ZNF362: variants seen among roughly 807,000 people sequenced by gnomAD.
ZNF362 encodes rotund homolog.
ZNF362 carries 11 observed loss-of-function variants against 42.9 expected under a neutral mutation model. The ratio of observed to expected loss-of-function variants is 0.26; its 90% CI spans 0.16 to 0.42. The LOEUF is 0.42. Ranked by LOEUF, ZNF362 falls within the 20% of genes least tolerant of loss-of-function variation. ZNF362 has a pLI of 1.00. For synonymous variants in ZNF362, 255 were observed against 257.3 expected (o/e 0.99, Z 0.09); for missense variants, 362 against 576.2 (o/e 0.63, Z 3.81).
intron 1 of ZNF362, among the ~76,000 whole-genome samples, chr1:33,262,371 C>A (rs1271468074): frequency 1.1e-4 from 1 of 9,006 alleles, no homozygotes; most frequent in African/African-American, 3.3e-4. Context: ...GTAGCGCGAT[C>A]TCCCCTCACT....
intron 4 of ZNF362, among the ~76,000 whole-genome samples, chr1:33,279,199 A>G (rs531738146): frequency 6.2e-4 from 95 of 152,002 alleles, no homozygotes; most frequent in African/African-American, 2.2e-3. Flanking sequence ...TAATTTTTGT[A>G]ATTTTTGTAG....
intron 6 of ZNF362, among the ~76,000 whole-genome samples, chr1:33,291,974 C>A (rs1172023129): frequency 1.8e-4 from 28 of 152,130 alleles, no homozygotes; most frequent in Admixed American, 2.6e-4. Context: ...TGGGCTGAGA[C>A]GATGGGGTTT....
the ZNF362 span, among the ~76,000 whole-genome samples, chr1:33,189,671 A>ATATATATATATATG: frequency 1.9e-5 from 2 of 105,054 alleles, no homozygotes; most frequent in Admixed American, 1.0e-4. Context: ...ATATATATAT[A>ATATATATATATATG]TGTATATATA....
chr1:33,170,502 C>A, the ZNF362 span, among the ~76,000 whole-genome samples: 1 of 151,978 alleles, frequency 6.6e-6, no homozygotes, highest in African/African-American at 2.4e-5. Flanking sequence ...GCCACACACC[C>A]CTGGCCTCGC....
At chr1:33,221,754 TTA>T in the ZNF362 span, among the ~76,000 whole-genome samples, 2 of 152,328 alleles carry the variant, frequency 1.3e-5, no homozygotes, top group Non-Finnish European at 2.9e-5. Context: ...GAACTGGTCC[TTA>T]ACTTTAAGGT....
chr1:33,217,887 T>C, the ZNF362 span, among the ~76,000 whole-genome samples: 1 of 152,216 alleles, frequency 6.6e-6, no homozygotes, highest in Non-Finnish European at 1.5e-5. Flanking sequence ...CATGGATATC[T>C]ATGTAAAAAA....
In ZNF362 at chr1:33,280,524, G is replaced by T; in HGVS notation, c.683+67G>T. 6.8e-7 allele frequency: 1 copy of T among 1,477,790 alleles called. No individual in the cohort carries two copies. The highest frequency in any genetic ancestry group is 9.0e-7 in the Non-Finnish European group (1 of 1,108,344). 91.5% of individuals were successfully genotyped at this position (1,477,790 alleles called of 1,614,324 possible). A position where few individuals can be genotyped will look rare whatever the true frequency, so the allele number is the denominator to read the frequency against. ...TGGGGCTTGAGCCAGGGCTGCTCCAGGAGCCCAGCAGCGGGGCTGAAACAG... is the reference window on the plus strand; with the variant it reads ...TGGGGCTTGAGCCAGGGCTGCTCCATGAGCCCAGCAGCGGGGCTGAAACAG... On this transcript the variant is annotated intron_variant, in intron 5 of 8. Transcript: ENST00000539719. This position sits in a 1 kb window ranked among gnomAD's most constrained non-coding sequence, Gnocchi z 5.6.
At position 33,299,291 on chromosome 1, in the gene ZNF362, TGTTGA is replaced by T; in HGVS notation, c.*249_*253del. The T allele has an allele frequency of 2.6e-6, 1 of 382,186 alleles. No individual in the cohort carries two copies. The allele number at this position is 382,186 out of a possible 1,614,324, so 23.7% of individuals were successfully genotyped here. A position where few individuals can be genotyped will look rare whatever the true frequency, so the allele number is the denominator to read the frequency against. ...GATCTCAGAGCACTTTGAACCTCTC[TGTTGA>T]GTTTTCTTTTTGTTCCCCACCCTTC... On this transcript the variant is annotated 3_prime_UTR_variant, in exon 9 of 9. Coordinates refer to ENST00000539719, the MANE Select transcript of ZNF362 (RefSeq NM_152493.3).
At chr1:33,298,630 G>A (rs1646141609) in intron 8 of ZNF362, among the ~76,000 whole-genome samples, 1 of 152,250 alleles carries the variant, frequency 6.6e-6, no homozygotes, top group African/African-American at 2.4e-5. Flanking sequence ...GGCAGACAGG[G>A]CTGAGGTTCA....
At chr1:33,249,534 G>A in the ZNF362 span, among the ~76,000 whole-genome samples, 2 of 152,270 alleles carry the variant, frequency 1.3e-5, no homozygotes, top group African/African-American at 4.8e-5. Flanking sequence ...CAGAGAAAGT[G>A]ATAGAAGTTT....
chr1:33,158,108 A>T, the ZNF362 span: 2 of 653,628 alleles, frequency 3.1e-6, no homozygotes, highest in Non-Finnish European at 5.4e-6. Context: ...GCAGGTGCCC[A>T]GGACAGGTCC....
chr1:33,152,684 C>A, the ZNF362 span, among the ~76,000 whole-genome samples: 5 of 151,648 alleles, frequency 3.3e-5, no homozygotes, highest in African/African-American at 1.2e-4. Flanking sequence ...TTATTACAAA[C>A]AAATAATTTA....
At chr1:33,151,024 G>T in the ZNF362 span, among the ~76,000 whole-genome samples, 5 of 152,060 alleles carry the variant, frequency 3.3e-5, no homozygotes, top group African/African-American at 1.2e-4. Flanking sequence ...GGGGCGGGGG[G>T]TACCCTCAAG....
the ZNF362 span, among the ~76,000 whole-genome samples, chr1:33,221,520 C>A: frequency 8.5e-5 from 13 of 152,180 alleles, 1 homozygote; most frequent in Admixed American, 7.9e-4. Flanking sequence ...ACATAGAGTG[C>A]CCAAACTATA....
chr1:33,176,587 A>G, the ZNF362 span: 1 of 536,448 alleles, frequency 1.9e-6, no homozygotes. Context: ...GCTCTGACCA[A>G]GATGACGTCC....
the ZNF362 span, among the ~76,000 whole-genome samples, chr1:33,219,515 T>G: frequency 6.6e-6 from 1 of 152,122 alleles, no homozygotes; most frequent in African/African-American, 2.4e-5. Context: ...CCAGGTAGCA[T>G]GGGCAGCAGG....
rs142850369 is a variant in ZNF362, at chr1:33,281,069, AAAC to A, written c.684-494_684-492del. 8.0e-4 allele frequency among the ~76,000 whole-genome samples: 120 copies of A among 150,794 alleles called. 2 individuals carry two copies. The highest frequency in any genetic ancestry group is 6.9e-3 in the Middle Eastern group (2 of 288). On this transcript the variant is annotated intron_variant, in intron 5 of 8. Coordinates refer to ENST00000539719, the MANE Select transcript of ZNF362 (RefSeq NM_152493.3). The surrounding 1 kb of genome is among the most constrained non-coding windows in gnomAD (Gnocchi z 4.8). ...GGGTGACAGGGTGAGACTCTGTCTCAAACAACAACAACAACAACAACAACAATT... is the reference window on the plus strand; with the variant it reads ...GGGTGACAGGGTGAGACTCTGTCTCAAACAACAACAACAACAACAACAATT...
intron 2 of ZNF362, among the ~76,000 whole-genome samples, chr1:33,274,190 A>G (rs571043525): frequency 3.9e-5 from 6 of 152,338 alleles, no homozygotes; most frequent in African/African-American, 1.4e-4. Context: ...CATTCCCCTG[A>G]ATACGTAAGG....
the ZNF362 span, among the ~76,000 whole-genome samples, chr1:33,184,041 G>GAAAA: frequency 7.5e-5 from 11 of 147,318 alleles, no homozygotes; most frequent in Non-Finnish European, 9.0e-5. Context: ...GAAATGAAAT[G>GAAAA]AAAAAAAAAA....
Sources: allele counts gnomAD v4.1 joint callset (sites outside exome capture counted in the v4.1 genomes callset), GRCh38; gene constraint gnomAD v4.1.1; non-coding constraint Gnocchi (gnomAD v3.1); transcripts MANE v1.5; gene names NCBI Gene and HGNC (gene_info 2026-07-23, HGNC 2026-07-21).